GRID2: variants seen among roughly 807,000 people sequenced by gnomAD.
GRID2 encodes the protein glutamate receptor ionotropic, delta-2.
Under a neutral mutation model 114.8 loss-of-function variants are expected in GRID2, and 33 were observed. The ratio of observed to expected loss-of-function variants is 0.29; its 90% confidence interval spans 0.22 to 0.38. The LOEUF is 0.38. Among genes scored for constraint, GRID2 ranks in the 10% least tolerant of loss-of-function variants. The probability of loss-of-function intolerance (pLI) is 1.00; values close to 1 mark genes in which losing one functional copy is unlikely to be tolerated. For synonymous variants in GRID2, 505 were observed against 449.9 expected (o/e 1.12, Z -1.55); for missense variants, 1,184 against 1,257.7 (o/e 0.94, Z 0.89).
chr4:93,618,824 C>T (rs906841929), intron 13 of GRID2, among the ~76,000 whole-genome samples: 9 of 152,168 alleles, frequency 5.9e-5, no homozygotes, highest in Non-Finnish European at 2.9e-5. Context: ...AGAGCCCCAA[C>T]CTTTCTAACC....
At chr4:93,544,134 C>T (rs894222996) in intron 13 of GRID2, among the ~76,000 whole-genome samples, 1 of 152,086 alleles carries the variant, frequency 6.6e-6, no homozygotes, top group Non-Finnish European at 1.5e-5. Context: ...CCAGCTCTCC[C>T]AGAGATTTGC....
At chr4:93,077,655 T>C (rs62308200) in intron 2 of GRID2, among the ~76,000 whole-genome samples, 8,302 of 152,218 alleles carry the variant, frequency 0.055, 446 homozygotes, top group African/African-American at 0.14. Context: ...TAGGTGAAGA[T>C]TAAATTTTAC....
At chr4:92,407,893 C>G (rs1488427809) in intron 1 of GRID2, among the ~76,000 whole-genome samples, 1 of 151,984 alleles carries the variant, frequency 6.6e-6, no homozygotes, top group African/African-American at 2.4e-5. Context: ...TGTCTGTTTA[C>G]TTTGTTGGTA....
intron 8 of GRID2, among the ~76,000 whole-genome samples, chr4:93,334,914 A>G (rs1473813685): frequency 6.6e-6 from 1 of 152,138 alleles, no homozygotes; most frequent in African/African-American, 2.4e-5. Context: ...CTGGGCAACA[A>G]GAGCAAAACT....
At chr4:93,214,506 C>A (rs937990028) in intron 5 of GRID2, among the ~76,000 whole-genome samples, 1 of 151,984 alleles carries the variant, frequency 6.6e-6, no homozygotes. Context: ...TTTGAGATCA[C>A]ATGTCAAGAC....
At chr4:92,972,838 A>G (rs1753614635) in intron 2 of GRID2, among the ~76,000 whole-genome samples, 1 of 151,994 alleles carries the variant, frequency 6.6e-6, no homozygotes, top group South Asian at 2.1e-4. Flanking sequence ...GCCCCCACTT[A>G]TAAGTGATAA....
At chr4:92,637,044 A>G (rs189235002) in intron 2 of GRID2, among the ~76,000 whole-genome samples, 86 of 151,918 alleles carry the variant, frequency 5.7e-4, no homozygotes, top group African/African-American at 2.0e-3. Context: ...TATTTATTCA[A>G]ATTTCAGGTA....
chr4:93,716,258 A>G (rs1728892159), intron 14 of GRID2, among the ~76,000 whole-genome samples: 1 of 152,162 alleles, frequency 6.6e-6, no homozygotes, highest in Admixed American at 6.6e-5. Flanking sequence ...GATAAAAGAT[A>G]TAGAAAAGAT....
chr4:93,424,777 T>G (rs1273692253), intron 10 of GRID2, among the ~76,000 whole-genome samples: 1 of 152,118 alleles, frequency 6.6e-6, no homozygotes, highest in Non-Finnish European at 1.5e-5. Flanking sequence ...TTTCTCTTCT[T>G]GATTTGAGGC....
chr4:92,793,802 CAG>C (rs1254297787), intron 2 of GRID2, among the ~76,000 whole-genome samples: 1 of 151,746 alleles, frequency 6.6e-6, no homozygotes, highest in African/African-American at 2.4e-5. Flanking sequence ...CATGAAAGGA[CAG>C]AACACAAACA....
rs182798130 is a variant in GRID2 at position 93,378,889 on chromosome 4, G to A, written c.1246-16718G>A. Among the ~76,000 whole-genome samples the A allele has an allele frequency of 5.9e-5, 9 of 152,106 alleles. No individual in the cohort carries two copies. The East Asian group carries it at 1.5e-3, about 26-fold the overall frequency. On this transcript the variant is annotated intron_variant, in intron 8 of 15. Transcript: ENST00000282020. Reference sequence around the variant, plus strand: ...GTCCCAACTGAAAATTATTTTTTTGGTTGGATAGAACATCCCTGTACAAAA... The same window carrying A: ...GTCCCAACTGAAAATTATTTTTTTGATTGGATAGAACATCCCTGTACAAAA...
chr4:93,606,235 C>T (rs562880685), intron 13 of GRID2, among the ~76,000 whole-genome samples: 3 of 151,948 alleles, frequency 2.0e-5, no homozygotes, highest in Non-Finnish European at 4.4e-5. Context: ...CCTCTGCACT[C>T]CAACCTGGGC....
intron 4 of GRID2, among the ~76,000 whole-genome samples, chr4:93,142,766 C>T (rs1384259587): frequency 6.6e-6 from 1 of 152,188 alleles, no homozygotes; most frequent in Non-Finnish European, 1.5e-5. Flanking sequence ...TTCTAAACAA[C>T]GACTGTGGTT....
chr4:93,044,081 A>G (rs894042226), intron 2 of GRID2, among the ~76,000 whole-genome samples: 1 of 152,126 alleles, frequency 6.6e-6, no homozygotes, highest in African/African-American at 2.4e-5. Flanking sequence ...AATTATTTAG[A>G]TAACTGCAGA....
chr4:92,750,129 G>T (rs1483247371), intron 2 of GRID2, among the ~76,000 whole-genome samples: 2 of 152,154 alleles, frequency 1.3e-5, no homozygotes, highest in African/African-American at 4.8e-5. Flanking sequence ...CCAAAGTGCT[G>T]GGATTACAGA....
At chr4:93,189,898 T>G (rs1299329588) in intron 4 of GRID2, among the ~76,000 whole-genome samples, 1 of 151,736 alleles carries the variant, frequency 6.6e-6, no homozygotes, top group Non-Finnish European at 1.5e-5. Flanking sequence ...AAACCTGCAA[T>G]AGATCAAAGT....
intron 14 of GRID2, among the ~76,000 whole-genome samples, chr4:93,750,673 G>A (rs1202316297): frequency 1.3e-5 from 2 of 151,940 alleles, no homozygotes; most frequent in Non-Finnish European, 2.9e-5. Flanking sequence ...GGAGAATGGC[G>A]TGAACCCGGG....
chr4:93,369,025 C>T (rs1409734151), intron 8 of GRID2, among the ~76,000 whole-genome samples: 1 of 152,078 alleles, frequency 6.6e-6, no homozygotes, highest in African/African-American at 2.4e-5. Flanking sequence ...TGACTTGTTC[C>T]CTGACTATCT....
intron 2 of GRID2, among the ~76,000 whole-genome samples, chr4:92,819,247 T>C (rs1452251925): frequency 6.6e-6 from 1 of 152,012 alleles, no homozygotes; most frequent in African/African-American, 2.4e-5. Context: ...CATGGGAGGT[T>C]TTAAAACTTA....
Sources: allele counts gnomAD v4.1 joint callset (sites outside exome capture counted in the v4.1 genomes callset), GRCh38; gene constraint gnomAD v4.1.1; transcripts MANE v1.5; gene names NCBI Gene and HGNC (gene_info 2026-07-23, HGNC 2026-07-21).